The following GALNTL6 variants were observed in gnomAD, a reference collection of about 807,000 sequenced individuals.
The protein encoded by GALNTL6 is polypeptide N-acetylgalactosaminyltransferase-like 6.
In GALNTL6, 46 loss-of-function variants were observed where a neutral mutation model predicts 73.7. The ratio of observed to expected loss-of-function variants is 0.62; its 90% confidence interval spans 0.49 to 0.80. The LOEUF (loss-of-function observed/expected upper bound fraction) is 0.80, where lower values mean the gene tolerates loss of function less well. Ranked by LOEUF, GALNTL6 falls within the 30% of genes least tolerant of loss-of-function variation. The probability of loss-of-function intolerance (pLI) is 0.00; values close to 1 mark genes in which losing one functional copy is unlikely to be tolerated. For missense variants in GALNTL6, 604 were observed against 755.0 expected (o/e 0.80, Z 2.34); for synonymous variants, 259 against 263.7 (o/e 0.98, Z 0.17).
chr4:172,026,591 G>C (rs773953960), intron 2 of GALNTL6, among the ~76,000 whole-genome samples: 1 of 151,940 alleles, frequency 6.6e-6, no homozygotes, highest in Non-Finnish European at 1.5e-5. Flanking sequence ...ATTTTGAAAG[G>C]ACTAAGTTTC....
intron 5 of GALNTL6, among the ~76,000 whole-genome samples, chr4:172,762,495 G>A (rs778020959): frequency 7.3e-5 from 11 of 150,278 alleles, no homozygotes; most frequent in Non-Finnish European, 1.5e-4. Flanking sequence ...GAGATTGCCC[G>A]TGGAAAATCC....
intron 2 of GALNTL6, among the ~76,000 whole-genome samples, chr4:171,959,979 CA>C (rs1358417158): frequency 6.6e-6 from 1 of 152,088 alleles, no homozygotes; most frequent in Non-Finnish European, 1.5e-5. Flanking sequence ...ATTTATTTTC[CA>C]ATGGAGAACA....
chr4:171,952,940 T>A (rs1738927043), intron 2 of GALNTL6, among the ~76,000 whole-genome samples: 1 of 152,070 alleles, frequency 6.6e-6, no homozygotes, highest in South Asian at 2.1e-4. Flanking sequence ...AATGCTAGAA[T>A]TAATAACATC....
intron 2 of GALNTL6, among the ~76,000 whole-genome samples, chr4:172,069,583 T>TATAA (rs776675339): frequency 3.8e-5 from 2 of 52,026 alleles, no homozygotes; most frequent in African/African-American, 1.3e-4. Flanking sequence ...ATGTTATATA[T>TATAA]TATATATATA....
At chr4:172,110,881 C>A (rs1195250189) in intron 2 of GALNTL6, among the ~76,000 whole-genome samples, 2 of 152,018 alleles carry the variant, frequency 1.3e-5, no homozygotes, top group African/African-American at 4.8e-5. Flanking sequence ...ATGTTCTGGG[C>A]AGAACCCACG....
At chr4:172,583,502 T>C (rs183777096) in intron 5 of GALNTL6, among the ~76,000 whole-genome samples, 20 of 152,316 alleles carry the variant, frequency 1.3e-4, no homozygotes, top group Non-Finnish European at 2.4e-4. Flanking sequence ...ATATCTAAAG[T>C]TACAGAGCTA....
intron 5 of GALNTL6, among the ~76,000 whole-genome samples, chr4:172,453,669 C>A (rs932127385): frequency 6.6e-6 from 1 of 152,180 alleles, no homozygotes; most frequent in African/African-American, 2.4e-5. Context: ...CATTAAAATA[C>A]GAAAAGTTCC....
At chr4:172,194,390 A>G (rs1390138997) in intron 2 of GALNTL6, among the ~76,000 whole-genome samples, 1 of 152,202 alleles carries the variant, frequency 6.6e-6, no homozygotes, top group East Asian at 1.9e-4. Flanking sequence ...TCACGATACC[A>G]TCCAGGCGAA....
At chr4:172,903,349 C>G (rs1295195593) in intron 8 of GALNTL6, among the ~76,000 whole-genome samples, 1 of 152,162 alleles carries the variant, frequency 6.6e-6, no homozygotes, top group Non-Finnish European at 1.5e-5. Context: ...GGTTCTGTTT[C>G]TGAGAAATTT....
chr4:172,074,672 C>T (rs967373225), intron 2 of GALNTL6, among the ~76,000 whole-genome samples: 1 of 152,018 alleles, frequency 6.6e-6, no homozygotes, highest in Non-Finnish European at 1.5e-5. Flanking sequence ...CTGAGAAAAA[C>T]AGGCACTGTC....
chr4:172,880,149 T>G (rs1745382420), intron 7 of GALNTL6, among the ~76,000 whole-genome samples: 1 of 152,020 alleles, frequency 6.6e-6, no homozygotes, highest in Non-Finnish European at 1.5e-5. Flanking sequence ...ATTCCACTTC[T>G]AGGAATATTC....
At chr4:172,797,698 C>T (rs1010203647) in intron 5 of GALNTL6, among the ~76,000 whole-genome samples, 2 of 152,012 alleles carry the variant, frequency 1.3e-5, no homozygotes, top group Non-Finnish European at 2.9e-5. Context: ...ACCACCACGC[C>T]CTGCTAATTT....
At chr4:172,104,338 A>G (rs1437522768) in intron 2 of GALNTL6, among the ~76,000 whole-genome samples, 7 of 152,152 alleles carry the variant, frequency 4.6e-5, no homozygotes, top group Non-Finnish European at 7.3e-5. Context: ...AAGTTTACTA[A>G]GACAGAGAGG....
At chr4:172,912,285 T>C (rs1747246696) in intron 8 of GALNTL6, among the ~76,000 whole-genome samples, 1 of 152,214 alleles carries the variant, frequency 6.6e-6, no homozygotes, top group East Asian at 1.9e-4. Context: ...AGCTCCAGTC[T>C]ACAGCTCCCA....
intron 2 of GALNTL6, among the ~76,000 whole-genome samples, chr4:172,133,604 C>G (rs1214692313): frequency 6.6e-6 from 1 of 152,180 alleles, no homozygotes; most frequent in African/African-American, 2.4e-5. Context: ...ATCTCCTGTG[C>G]TGCAGCCTGA....
At chr4:171,960,130 G>C (rs571544550) in intron 2 of GALNTL6, among the ~76,000 whole-genome samples, 2 of 152,170 alleles carry the variant, frequency 1.3e-5, no homozygotes, top group South Asian at 2.1e-4. Flanking sequence ...AGCTGTCATA[G>C]CTTTCTAATC....
rs114568890 is a variant in GALNTL6, at chr4:172,587,502, C to G, written c.554-221859C>G. ...TTCCCTTTAGAATAAAATCAGAACT[C>G]CTTGGATTTGTAAGCAGGGCTTTCC... On this transcript the variant is annotated intron_variant, in intron 5 of 12. Coordinates refer to ENST00000506823, the MANE Select transcript of GALNTL6 (RefSeq NM_001034845.3). 7.0e-3 allele frequency among the ~76,000 whole-genome samples: 1,071 copies of G among 152,264 alleles called. 9 individuals carry two copies. The highest frequency in any genetic ancestry group is 0.024 in the African/African-American group (1,005 of 41,544).
chr4:172,850,701 T>G (rs1743768056), intron 7 of GALNTL6, among the ~76,000 whole-genome samples: 1 of 152,126 alleles, frequency 6.6e-6, no homozygotes, highest in Non-Finnish European at 1.5e-5. Context: ...AAGTCTTATG[T>G]TGTAACCTGT....
At chr4:172,411,384 G>A (rs1272211854) in intron 5 of GALNTL6, among the ~76,000 whole-genome samples, 1 of 152,070 alleles carries the variant, frequency 6.6e-6, no homozygotes, top group African/African-American at 2.4e-5. Context: ...AGAGGAAGCT[G>A]GTAATGCAAT....
Sources: gnomAD v4.1 joint callset for allele counts (sites outside exome capture counted in the v4.1 genomes callset) on GRCh38, gnomAD v4.1.1 for gene constraint, MANE v1.5 for transcripts, NCBI Gene and HGNC (gene_info 2026-07-23, HGNC 2026-07-21) for gene names.